CADM2: variants seen among roughly 807,000 people sequenced by gnomAD.
The protein encoded by CADM2 is cell adhesion molecule 2, also known as immunoglobulin superfamily member 4D.
In CADM2, 12 loss-of-function variants were observed where a neutral mutation model predicts 49.8. The observed-to-expected ratio is 0.24, with a 90% CI of 0.15 to 0.39. The LOEUF is 0.39. Among genes scored for constraint, CADM2 ranks in the 10% least tolerant of loss-of-function variants. The pLI is 1.00. For missense variants in CADM2, 378 were observed against 492.3 expected, an observed-to-expected ratio of 0.77 and a Z score of 2.20; for synonymous variants, 214 against 175.4, an observed-to-expected ratio of 1.22 and a Z score of -1.74.
At chr3:85,298,713 A>C (rs922982339) in intron 1 of CADM2, among the ~76,000 whole-genome samples, 22 of 152,138 alleles carry the variant, frequency 1.4e-4, no homozygotes, top group African/African-American at 5.1e-4. Context: ...ACAATTTATA[A>C]GACAAAATTT....
chr3:85,769,264 CACATATAT>C (rs1390944802), intron 2 of CADM2, among the ~76,000 whole-genome samples: 1,638 of 103,760 alleles, frequency 0.016, 132 homozygotes, highest in African/African-American at 0.069. Flanking sequence ...AGTATATATA[CACATATAT>C]ACATATATAC....
intron 5 of CADM2, among the ~76,000 whole-genome samples, chr3:85,909,676 AG>A: frequency 6.6e-6 from 1 of 152,296 alleles, no homozygotes; most frequent in Middle Eastern, 3.4e-3. Flanking sequence ...CATTTTGAGA[AG>A]GCTATTCTTG....
intron 1 of CADM2, among the ~76,000 whole-genome samples, chr3:85,431,199 G>T (rs967177424): frequency 6.6e-6 from 1 of 152,070 alleles, no homozygotes; most frequent in Non-Finnish European, 1.5e-5. Flanking sequence ...GATAGAGTAG[G>T]TGTGATGTAA....
chr3:85,581,542 G>T (rs149217931), intron 1 of CADM2, among the ~76,000 whole-genome samples: 5 of 152,036 alleles, frequency 3.3e-5, no homozygotes, highest in Non-Finnish European at 7.4e-5. Context: ...CATTTTAAAA[G>T]TATATTTTTT....
At chr3:85,376,765 AC>A (rs2107339654) in intron 1 of CADM2, among the ~76,000 whole-genome samples, 1 of 152,196 alleles carries the variant, frequency 6.6e-6, no homozygotes, top group Admixed American at 6.6e-5. Flanking sequence ...TTCATAAGCA[AC>A]ATTTTAAAGT....
At chr3:85,211,041 C>A (rs1204698416) in intron 1 of CADM2, among the ~76,000 whole-genome samples, 1 of 151,996 alleles carries the variant, frequency 6.6e-6, no homozygotes, top group African/African-American at 2.4e-5. Context: ...TTTATTTATT[C>A]ATTTCTTCTA....
At chr3:85,468,514 G>A (rs1054368660) in intron 1 of CADM2, among the ~76,000 whole-genome samples, 1 of 152,098 alleles carries the variant, frequency 6.6e-6, no homozygotes, top group African/African-American at 2.4e-5. Flanking sequence ...TCTTAAGTGA[G>A]TATATAGTTC....
At chr3:85,680,080 A>G (rs2065996580) in intron 1 of CADM2, among the ~76,000 whole-genome samples, 1 of 152,204 alleles carries the variant, frequency 6.6e-6, no homozygotes, top group South Asian at 2.1e-4. Flanking sequence ...TTCAATTACT[A>G]TTAACATAGG....
At chr3:85,282,767 G>T (rs1412493043) in intron 1 of CADM2, among the ~76,000 whole-genome samples, 1 of 151,932 alleles carries the variant, frequency 6.6e-6, no homozygotes, top group Non-Finnish European at 1.5e-5. Context: ...CAATAGAACT[G>T]TAATACCTAA....
intron 1 of CADM2, among the ~76,000 whole-genome samples, chr3:85,685,622 TTTTTTTTTTTTTTG>T (rs1310579503): frequency 6.8e-6 from 1 of 146,808 alleles, no homozygotes; most frequent in Non-Finnish European, 1.5e-5. Context: ...TTTCTTTTTT[TTTTTTTTTTTTTTG>T]TTTTTAAGAC....
chr3:85,413,996 C>G (rs1245944812), intron 1 of CADM2, among the ~76,000 whole-genome samples: 1 of 152,034 alleles, frequency 6.6e-6, no homozygotes, highest in Non-Finnish European at 1.5e-5. Flanking sequence ...TCCTGAGTAG[C>G]TGGGATTATA....
chr3:85,568,441 TTC>T (rs1227075107), intron 1 of CADM2, among the ~76,000 whole-genome samples: 3 of 27,494 alleles, frequency 1.1e-4, no homozygotes, highest in African/African-American at 3.8e-4. Flanking sequence ...CTTTCTTTCT[TTC>T]TTTCTTTCTT....
intron 5 of CADM2, among the ~76,000 whole-genome samples, chr3:85,903,343 T>C (rs764548739): frequency 6.6e-4 from 100 of 152,134 alleles, no homozygotes; most frequent in Non-Finnish European, 2.9e-4. Context: ...ATCACTTGTT[T>C]TAGCCCAACT....
intron 1 of CADM2, among the ~76,000 whole-genome samples, chr3:84,975,080 C>T (rs1410939993): frequency 6.6e-6 from 1 of 151,720 alleles, no homozygotes; most frequent in East Asian, 1.9e-4. Flanking sequence ...ATTTTGTTTG[C>T]CTAATTTACC....
rs375826101 is a variant in CADM2, at chr3:85,791,978, C to A, written c.89-10069C>A. Among the ~76,000 whole-genome samples, 57 of 152,288 alleles carry A rather than the reference C, an allele frequency of 3.7e-4. No individual in the cohort carries two copies. The East Asian group carries it at 0.01, about 28-fold the overall frequency. ...GACCTTGTGATCCGCCCACCTCGGC[C>A]TCCCAAAGTGCTGGGATTACAGGCA... is the stretch of plus-strand genomic sequence containing the variant. On this transcript the variant is annotated intron_variant, in intron 2 of 9. Transcript: ENST00000383699.
At chr3:85,771,591 G>A (rs2070088073) in intron 2 of CADM2, among the ~76,000 whole-genome samples, 1 of 151,846 alleles carries the variant, frequency 6.6e-6, no homozygotes, top group Non-Finnish European at 1.5e-5. Context: ...ACATTTGACG[G>A]AAATACTAGA....
intron 1 of CADM2, among the ~76,000 whole-genome samples, chr3:85,663,012 C>A (rs926592459): frequency 8.6e-5 from 13 of 151,870 alleles, no homozygotes; most frequent in African/African-American, 2.9e-4. Context: ...ACCTAGTTTT[C>A]GTAACTAGAT....
intron 3 of CADM2, among the ~76,000 whole-genome samples, chr3:85,882,808 A>G (rs1713009166): frequency 6.6e-6 from 1 of 152,200 alleles, no homozygotes; most frequent in Admixed American, 6.5e-5. Flanking sequence ...TCTGCTCAAT[A>G]TCAGCTCAAG....
At chr3:85,538,660 T>C (rs1460579414) in intron 1 of CADM2, among the ~76,000 whole-genome samples, 1 of 152,124 alleles carries the variant, frequency 6.6e-6, no homozygotes, top group Non-Finnish European at 1.5e-5. Context: ...TCAAGAAAAC[T>C]ATTGTCAGAA....
Sources: gnomAD v4.1 joint callset for allele counts (sites outside exome capture counted in the v4.1 genomes callset) on GRCh38, gnomAD v4.1.1 for gene constraint, MANE v1.5 for transcripts, NCBI Gene and HGNC (gene_info 2026-07-23, HGNC 2026-07-21) for gene names.